Variants in TGS1 observed in about 807,000 individuals in gnomAD.
TGS1 encodes the protein trimethylguanosine synthase 1.
A neutral mutation model predicts 92.2 loss-of-function variants in TGS1; 69 were observed. The ratio of observed to expected loss-of-function variants is 0.75; its 90% CI spans 0.62 to 0.91. The LOEUF (loss-of-function observed/expected upper bound fraction) is 0.91. TGS1 is among the 40% of genes least tolerant of loss of function. TGS1 has a pLI of 0.00. For synonymous variants in TGS1, 345 were observed against 338.1 expected (o/e 1.02, Z -0.22); for missense variants, 1,062 against 1,001.2 (o/e 1.06, Z -0.82).
intron 1 of TGS1, among the ~76,000 whole-genome samples, chr8:55,776,985 T>G (rs1227639990): frequency 6.6e-6 from 1 of 151,516 alleles, no homozygotes; most frequent in African/African-American, 2.4e-5. Context: ...TTCTTGGGTG[T>G]TTTTTTTGTT....
chr8:55,812,922 A>G (rs1292491852), intron 11 of TGS1, 118 bp from the exon 12 acceptor site: 4 of 743,648 alleles, frequency 5.4e-6, no homozygotes, highest in African/African-American at 1.8e-5. Context: ...TAGAGGGTTT[A>G]AGTTTTTGCC....
At chr8:55,823,874 G>T (rs1450628637) in intron 12 of TGS1, among the ~76,000 whole-genome samples, 1 of 152,148 alleles carries the variant, frequency 6.6e-6, no homozygotes, top group East Asian at 1.9e-4. Context: ...CAGCACTTTG[G>T]GAGGCCGGGC....
chr8:55,821,171 A>G (rs1803624990), intron 12 of TGS1, among the ~76,000 whole-genome samples: 1 of 152,252 alleles, frequency 6.6e-6, no homozygotes, highest in South Asian at 2.1e-4. Context: ...GTTTCTAAAC[A>G]CTAAGTACAT....
intron 10 of TGS1, among the ~76,000 whole-genome samples, chr8:55,809,900 T>C (rs996045676): frequency 6.6e-6 from 1 of 152,242 alleles, no homozygotes; most frequent in Admixed American, 6.5e-5. Flanking sequence ...TATCTTTCCA[T>C]CTGTCTCTGA....
rs1803746972 is a variant in TGS1 at position 55,824,766 on chromosome 8, G to A, written c.*63G>A. On this transcript the variant is annotated 3_prime_UTR_variant, in exon 13 of 13. Transcript: ENST00000260129. ...TCAAAATATTCAGATGAGACATTTG[G>A]CATGTCTTCCTTTATTCACTGATAT... 2.5e-6 allele frequency: 4 copies of A among 1,580,860 alleles called. No individual in the cohort carries two copies. Among genetic ancestry groups the A allele is most frequent in the Admixed American group, 1.7e-5 (1 of 57,492 alleles).
chr8:55,800,637 A>T (rs1241623956), intron 8 of TGS1, among the ~76,000 whole-genome samples: 2 of 152,218 alleles, frequency 1.3e-5, no homozygotes, highest in East Asian at 3.8e-4. Context: ...ATGTTAGGTC[A>T]TGTACAGGAT....
chr8:55,785,774 A>G lies in TGS1; in HGVS notation c.222A>G (p.Ser74=). 1 of 1,613,788 alleles carries G rather than the reference A, an allele frequency of 6.2e-7. No individual in the cohort carries two copies. The highest frequency in any genetic ancestry group is 8.5e-7 in the Non-Finnish European group (1 of 1,179,856). The change falls in exon 3 of 13, where the codon TCA becomes TCG. Residue 74 remains serine (S), a synonymous_variant. Transcript: ENST00000260129. The part of the protein sequence containing the change: ...EGGYSCGTAE[S]HDSKGIGLDE... ...GTTATTCCTGTGGTACTGCAGAATC[A>G]CATGACAGCAAAGGCATAGGCCTGG...
chr8:55,818,296 C>T (rs908799486), intron 12 of TGS1, among the ~76,000 whole-genome samples: 3 of 152,098 alleles, frequency 2.0e-5, no homozygotes, highest in African/African-American at 2.4e-5. Context: ...CTCGGTCTCC[C>T]GAGTACCTGG....
At chr8:55,788,676 C>G (rs973394705) in intron 4 of TGS1, among the ~76,000 whole-genome samples, 16 of 151,924 alleles carry the variant, frequency 1.1e-4, no homozygotes, top group Non-Finnish European at 1.9e-4. Flanking sequence ...GTTGGCCAGG[C>G]TGGTTTCAAA....
rs1189560403 is a variant in TGS1, at chr8:55,826,183, G to A, written c.*1480G>A. 6.6e-6 allele frequency among the ~76,000 whole-genome samples: 1 copy of A among 152,120 alleles called. No homozygotes were observed. Among genetic ancestry groups the A allele is most frequent in the African/African-American group, 2.4e-5 (1 of 41,416 alleles). The stretch of plus-strand genomic sequence containing the variant: ...CATTCTTAAAGTCACTAGGGAGATG[G>A]CAGGTGAAGTAAAGGCAGATTTCCA... On this transcript the variant is annotated 3_prime_UTR_variant, in exon 13 of 13. Transcript: ENST00000260129.
At chr8:55,820,442 G>T (rs556105613) in intron 12 of TGS1, among the ~76,000 whole-genome samples, 1 of 152,110 alleles carries the variant, frequency 6.6e-6, no homozygotes, top group African/African-American at 2.4e-5. Flanking sequence ...GCAGGCTGAG[G>T]CAGGAGAATC....
In TGS1 at chr8:55,781,586, C is replaced by G. The variant is rs1811563740; in HGVS notation, c.102-1162C>G. ...TGCTGGCGGGCAGACCAGTGATGCC[C>G]CCTGTGCAGCTCCTGCTTCCCACCC... is the stretch of plus-strand genomic sequence containing the variant. On this transcript the variant is annotated intron_variant, in intron 1 of 12. Coordinates refer to ENST00000260129, the MANE Select transcript of TGS1 (RefSeq NM_024831.8). Among the ~76,000 whole-genome samples the G allele has an allele frequency of 2.0e-5, 3 of 152,150 alleles. 1 individual carries two copies. Among genetic ancestry groups the G allele is most frequent in the South Asian group, 4.1e-4 (2 of 4,822 alleles).
At chr8:55,807,865 A>G (rs1279606702) in intron 10 of TGS1, among the ~76,000 whole-genome samples, 1 of 152,148 alleles carries the variant, frequency 6.6e-6, no homozygotes, top group East Asian at 1.9e-4. Flanking sequence ...CATTCTGAAG[A>G]TGCATATTTT....
chr8:55,782,642 G>A, intron 1 of TGS1, 106 bp from the exon 2 acceptor site: 2 of 825,332 alleles, frequency 2.4e-6, no homozygotes, highest in South Asian at 4.1e-5. Context: ...TTGCTTTTCT[G>A]TTTCATAAGC....
chr8:55,824,611 G>A lies in TGS1; in HGVS notation c.2470G>A (p.Val824Met), dbSNP rs760572272. Reference sequence around the variant, plus strand: ...ATCCTTAGCTGGGCCTGGAGGGCAAGTGGAAATAGAACAGAACTTCCTTAA... The same window carrying A: ...ATCCTTAGCTGGGCCTGGAGGGCAAATGGAAATAGAACAGAACTTCCTTAA... ...VASLAGPGGQ[V>M]EIEQNFLNNK... Residue 824 changes from valine (V) to methionine (M), a missense_variant, in exon 13 of 13, where the codon GTG (valine) becomes ATG (methionine). Coordinates refer to ENST00000260129, the MANE Select transcript of TGS1 (RefSeq NM_024831.8). 2 of 1,614,250 alleles carry A rather than the reference G, an allele frequency of 1.2e-6. No individual in the cohort carries two copies. Among genetic ancestry groups the A allele is most frequent in the Non-Finnish European group, 8.5e-7 (1 of 1,180,040 alleles).
rs148882143 is a variant in TGS1 at position 55,785,748 on chromosome 8, G to C, written c.196G>C (p.Gly66Arg). Residue 66 changes from glycine (G) to arginine (R), a missense_variant, in exon 3 of 13, where the codon GGT becomes CGT. Physicochemically the swap from Gly to Arg is moderately radical, Grantham distance 125 (BLOSUM62 -2). Coordinates refer to ENST00000260129, the MANE Select transcript of TGS1 (RefSeq NM_024831.8). ...CCAGGCGACAGAAGAAGAGGAAGGT[G>C]GTTATTCCTGTGGTACTGCAGAATC... ...GDQATEEEEG[G>R]YSCGTAESHD... is the part of the protein sequence containing the mutation. 6.1e-5 allele frequency: 99 copies of C among 1,611,274 alleles called. No homozygotes were observed. The highest frequency in any genetic ancestry group is 7.8e-5 in the Non-Finnish European group (92 of 1,179,052).
intron 6 of TGS1, among the ~76,000 whole-genome samples, chr8:55,794,685 C>G (rs2130163605): frequency 6.6e-6 from 1 of 152,206 alleles, no homozygotes; most frequent in African/African-American, 2.4e-5. Flanking sequence ...ATTAAATGCC[C>G]AAGCATTAAA....
At chr8:55,774,320 C>G (rs116537684) in intron 1 of TGS1, among the ~76,000 whole-genome samples, 3 of 152,064 alleles carry the variant, frequency 2.0e-5, no homozygotes, top group African/African-American at 7.2e-5. Context: ...ATATTAAATG[C>G]GTGAGTTAAA....
At chr8:55,804,454 A>G (rs1812306949) in intron 9 of TGS1, among the ~76,000 whole-genome samples, 1 of 152,070 alleles carries the variant, frequency 6.6e-6, no homozygotes, top group Non-Finnish European at 1.5e-5. Context: ...AAAAAAATGG[A>G]GTTTTTTCTG....
Sources: allele counts gnomAD v4.1 joint callset (sites outside exome capture counted in the v4.1 genomes callset), GRCh38; gene constraint gnomAD v4.1.1; transcripts MANE v1.5; gene names NCBI Gene and HGNC (gene_info 2026-07-23, HGNC 2026-07-21).